DENND6A: variants seen among roughly 807,000 people sequenced by gnomAD.
DENND6A encodes the protein protein DENND6A.
Under a neutral mutation model 95.5 loss-of-function variants are expected in DENND6A, and 43 were observed. The observed-to-expected ratio is 0.45, with a 90% CI of 0.35 to 0.58. DENND6A has a LOEUF of 0.58. Among genes scored for constraint, DENND6A ranks in the 20% least tolerant of loss-of-function variants. DENND6A has a pLI of 0.00. For synonymous variants in DENND6A, 257 were observed against 260.4 expected (o/e 0.99, Z 0.13); for missense variants, 574 against 736.0 (o/e 0.78, Z 2.55).
At chr3:57,654,702 AAGGCGTGGTCCATGGAAT>A in intron 9 of DENND6A, 1 of 985,060 alleles carries the variant, frequency 1.0e-6, no homozygotes, top group Non-Finnish European at 1.2e-6. Context: ...GCTGAAACCA[AAGGCGTGGTCCATGGAAT>A]AGACCTTGAC....
chr3:57,665,303 T>A (rs975782132), intron 4 of DENND6A, among the ~76,000 whole-genome samples: 5 of 152,198 alleles, frequency 3.3e-5, no homozygotes, highest in African/African-American at 1.2e-4. Flanking sequence ...TATATTGTGC[T>A]GGAATAAAAC....
rs1222825963 is a variant in DENND6A at position 57,625,933 on chromosome 3, C to T, written c.*2281G>A. Reference sequence around the variant, plus strand: ...TAAAAGATCCTTGATATGACACCAACAACTTACAAATTCTGGTCACAAACT... The same window carrying T: ...TAAAAGATCCTTGATATGACACCAATAACTTACAAATTCTGGTCACAAACT... On this transcript the variant is annotated 3_prime_UTR_variant, in exon 20 of 20. Coordinates refer to ENST00000311128, the MANE Select transcript of DENND6A (RefSeq NM_152678.3). 2.0e-5 allele frequency: 3 copies of T among 152,552 alleles called. No homozygotes were observed. Among genetic ancestry groups the T allele is most frequent in the African/African-American group, 7.2e-5 (3 of 41,406 alleles). The allele number at this position is 152,552 out of a possible 1,614,324, so 9.4% of individuals were successfully genotyped here.
rs1553742683 is a variant in DENND6A, at chr3:57,663,497, T to TAC, written c.513+137_513+138dup. 1,419 of 148,764 alleles carry TAC rather than the reference T, an allele frequency of 9.5e-3. 29 individuals are homozygous for TAC. Among genetic ancestry groups the TAC allele is most frequent in the South Asian group, 9.4e-3 (33 of 3,516 alleles). The allele number at this position is 148,764 out of a possible 1,614,324, so 9.2% of individuals were successfully genotyped here. ...AAAAAAAAAAAAAAAAATATATATATACACACACACACACACATATATATA... is the reference window on the plus strand; with the variant it reads ...AAAAAAAAAAAAAAAAATATATATATACACACACACACACACACATATATATA... On this transcript the variant is annotated intron_variant, in intron 5 of 19. Coordinates refer to ENST00000311128, the MANE Select transcript of DENND6A (RefSeq NM_152678.3).
At position 57,641,774 on chromosome 3, in the gene DENND6A, A is replaced by C. The variant is rs755865579; in HGVS notation, c.1038-27T>G. ...TATAAAAAACAAAACAAAACAAAAT[A>C]AAAAAGGTGAGAAAAAGATGAATGC... On this transcript the variant is annotated intron_variant, in intron 11 of 19. Transcript: ENST00000311128. 5.1e-6 allele frequency: 8 copies of C among 1,562,300 alleles called. No homozygotes were observed. In the Admixed American group the frequency reaches 1.1e-4, roughly 21 times the overall value.
At position 57,646,371 on chromosome 3, in the gene DENND6A, C is replaced by T; in HGVS notation, c.886G>A (p.Val296Met). Reference sequence around the variant, plus strand: ...TCCGATGGTGATGGCGCCATAACCACAAGGGGCTCCCCCAACAGCACCAGC... The same window carrying T: ...TCCGATGGTGATGGCGCCATAACCATAAGGGGCTCCCCCAACAGCACCAGC... Reference protein sequence around the residue: ...WELVLLGEPLVVMAPSPSESS... With the variant: ...WELVLLGEPLMVMAPSPSESS... The change falls in exon 10 of 20, where the codon GTG becomes ATG. Residue 296 changes from valine to methionine, a missense_variant. Val to Met is a conservative substitution (Grantham distance 21). This residue lies in a region of DENND6A where 452 missense variants were observed against 630.9 expected (regional missense o/e 0.72). Coordinates refer to ENST00000311128, the MANE Select transcript of DENND6A (RefSeq NM_152678.3). 1 of 1,614,056 alleles carries T rather than the reference C, an allele frequency of 6.2e-7. No homozygotes were observed. Among genetic ancestry groups the T allele is most frequent in the Non-Finnish European group, 8.5e-7 (1 of 1,180,014 alleles).
chr3:57,660,825 C>A lies in DENND6A; in HGVS notation c.634G>T (p.Asp212Tyr). 6.2e-7 allele frequency: 1 copy of A among 1,604,618 alleles called. No individual in the cohort carries two copies. The highest frequency in any genetic ancestry group is 1.1e-5 in the South Asian group (1 of 89,064). The change falls in exon 7 of 20, where the codon GAT becomes TAT. Residue 212 changes from aspartate (D) to tyrosine (Y), a missense_variant. By Grantham distance (160) the Asp-to-Tyr change is radical. Around this residue, in one of 2 missense-constraint regions of DENND6A, gnomAD observed 452 missense variants for 630.9 expected, o/e 0.72. Transcript: ENST00000311128. Reference sequence around the variant, plus strand: ...CCTGGCACTGGGGCAGGCCATCGATCAACATCATTACAAGCTGAAAAATAT... The same window carrying A: ...CCTGGCACTGGGGCAGGCCATCGATAAACATCATTACAAGCTGAAAAATAT... ...PYLEAACNDV[D>Y]RWPAPVPGKT...
At chr3:57,670,033 A>AG (rs1419449951) in intron 3 of DENND6A, among the ~76,000 whole-genome samples, 2 of 132,046 alleles carry the variant, frequency 1.5e-5, no homozygotes, top group African/African-American at 4.3e-5. Context: ...AAAAAAAAAA[A>AG]AAAAGAAAAA....
chr3:57,669,640 G>A (rs1353450823), intron 3 of DENND6A, among the ~76,000 whole-genome samples: 6 of 151,820 alleles, frequency 4.0e-5, no homozygotes, highest in Non-Finnish European at 7.4e-5. Context: ...GCGTGAACCC[G>A]GGAGGCAGAG....
At chr3:57,634,426 C>G (rs1345626556) in intron 14 of DENND6A, 132 bp downstream of exon 14, 11 of 371,548 alleles carry the variant, frequency 3.0e-5, no homozygotes, top group Non-Finnish European at 4.7e-5. Context: ...GAGTGAGACT[C>G]TGTCTCCCAA....
intron 15 of DENND6A, among the ~76,000 whole-genome samples, chr3:57,632,951 TACATA>T (rs1230457044): frequency 6.6e-6 from 1 of 152,340 alleles, no homozygotes; most frequent in East Asian, 1.9e-4. Flanking sequence ...ATGTAGTAAC[TACATA>T]ACATTTCATA....
At chr3:57,631,007 G>T (rs765702166) in intron 15 of DENND6A, 29 bp from the exon 16 acceptor site, 3 of 1,602,048 alleles carry the variant, frequency 1.9e-6, no homozygotes, top group East Asian at 4.5e-5. Context: ...TTAATAAAAG[G>T]AGTGTCTTCA....
chr3:57,675,697 T>C (rs1341954059), intron 1 of DENND6A, among the ~76,000 whole-genome samples: 3 of 152,018 alleles, frequency 2.0e-5, no homozygotes, highest in African/African-American at 7.3e-5. Flanking sequence ...CAAACAATAG[T>C]AAACAACACA....
intron 12 of DENND6A, among the ~76,000 whole-genome samples, chr3:57,635,852 C>A (rs964794984): frequency 6.6e-6 from 1 of 152,106 alleles, no homozygotes; most frequent in African/African-American, 2.4e-5. Flanking sequence ...CCTGCCTCTG[C>A]CACCCCTGAG....
At chr3:57,637,857 C>T (rs975608896) in intron 12 of DENND6A, among the ~76,000 whole-genome samples, 17 of 151,314 alleles carry the variant, frequency 1.1e-4, no homozygotes, top group South Asian at 2.1e-4. Context: ...GTGCACAGGC[C>T]GGGCACAGTG....
chr3:57,644,636 G>A (rs539527267), intron 11 of DENND6A, among the ~76,000 whole-genome samples: 1 of 139,824 alleles, frequency 7.2e-6, no homozygotes, highest in Non-Finnish European at 1.5e-5. Flanking sequence ...AAGGTTAAAA[G>A]TGTAAATGTT....
intron 1 of DENND6A, among the ~76,000 whole-genome samples, chr3:57,681,423 C>A (rs1325372437): frequency 6.6e-6 from 1 of 151,676 alleles, no homozygotes; most frequent in African/African-American, 2.4e-5. Context: ...GAGATCACGC[C>A]ACTGCACTCC....
At chr3:57,684,780 C>A (rs1040034510) in intron 1 of DENND6A, among the ~76,000 whole-genome samples, 1 of 152,060 alleles carries the variant, frequency 6.6e-6, no homozygotes, top group Non-Finnish European at 1.5e-5. Context: ...TAAATAAAGT[C>A]CAAATATTAC....
At chr3:57,686,318 A>C (rs912654225) in intron 1 of DENND6A, among the ~76,000 whole-genome samples, 2 of 152,226 alleles carry the variant, frequency 1.3e-5, no homozygotes, top group Non-Finnish European at 2.9e-5. Context: ...ATAAAACCCA[A>C]GCTTAGAAAT....
In DENND6A at chr3:57,628,845, G is replaced by A. The variant is rs1214536165; in HGVS notation, c.1661C>T (p.Thr554Ile). The A allele has an allele frequency of 1.2e-6, 2 of 1,612,852 alleles. No homozygotes were observed. Among genetic ancestry groups the A allele is most frequent in the South Asian group, 1.1e-5 (1 of 90,850 alleles). ...LWIQKHTEVE[T>I]VDLVLKLKNK... ...TTTCAGCTTCAAGACAAGGTCTACT[G>A]TTTCTACTTCTGTGTGTTTCTGGAT... Residue 554 changes from threonine to isoleucine, a missense_variant, in exon 19 of 20, where the codon ACA becomes ATA. Coordinates refer to ENST00000311128, the MANE Select transcript of DENND6A (RefSeq NM_152678.3).
Sources: allele counts gnomAD v4.1 joint callset (sites outside exome capture counted in the v4.1 genomes callset), GRCh38; gene constraint gnomAD v4.1.1; regional missense constraint gnomAD v4.1.1; transcripts MANE v1.5; gene names NCBI Gene and HGNC (gene_info 2026-07-23, HGNC 2026-07-21).